TRAF5: variants seen among roughly 807,000 people sequenced by gnomAD.
TRAF5 encodes TNF receptor associated factor 5.
A neutral mutation model predicts 64.5 loss-of-function variants in TRAF5; 48 were observed. The observed-to-expected ratio is 0.74, with a 90% CI of 0.59 to 0.95. The LOEUF is 0.95. Among genes scored for constraint, TRAF5 ranks in the 40% least tolerant of loss-of-function variants. The pLI is 0.00. For synonymous variants in TRAF5, 206 were observed against 240.5 expected (o/e 0.86, Z 1.33); for missense variants, 545 against 662.8 (o/e 0.82, Z 1.95).
intron 1 of TRAF5, among the ~76,000 whole-genome samples, chr1:211,337,023 C>T (rs1466769294): frequency 6.6e-6 from 1 of 152,240 alleles, no homozygotes; most frequent in Non-Finnish European, 1.5e-5. Context: ...TGAGCCGCTG[C>T]ACCTGGCCAC....
chr1:211,356,446 A>G lies in TRAF5; in HGVS notation c.356A>G (p.Lys119Arg). The G allele has an allele frequency of 6.2e-7, 1 of 1,614,174 alleles. No homozygotes were observed. The part of the protein sequence containing the change: ...YCSNAPGCNA[K>R]VILGRYQDHL... ...AGCAATGCTCCTGGATGTAATGCCA[A>G]GGTTATTCTGGGCCGGTACCAGGTT... Residue 119 changes from lysine (K) to arginine (R), a missense_variant, in exon 4 of 11, where the codon AAG becomes AGG. Lys to Arg is a conservative substitution (Grantham distance 26, BLOSUM62 2). Coordinates refer to ENST00000261464, the MANE Select transcript of TRAF5 (RefSeq NM_001033910.3).
intron 8 of TRAF5, among the ~76,000 whole-genome samples, chr1:211,368,356 G>A (rs1316419021): frequency 5.3e-5 from 8 of 152,204 alleles, no homozygotes; most frequent in Non-Finnish European, 8.8e-5. Flanking sequence ...CAAGACTAAA[G>A]CCAGGGAGAG....
At chr1:211,360,489 T>C (rs1337114673) in intron 5 of TRAF5, 40 of 537,340 alleles carry the variant, frequency 7.4e-5, no homozygotes, top group Non-Finnish European at 1.2e-4. Flanking sequence ...CTGTGTTCTA[T>C]GACTTTCTTT....
At chr1:211,346,881 A>G (rs1347461008) in intron 1 of TRAF5, among the ~76,000 whole-genome samples, 1 of 152,200 alleles carries the variant, frequency 6.6e-6, no homozygotes, top group Non-Finnish European at 1.5e-5. Flanking sequence ...AGATGCATCA[A>G]TTTATGAAAC....
intron 1 of TRAF5, among the ~76,000 whole-genome samples, chr1:211,335,864 C>G (rs1307672033): frequency 1.3e-5 from 2 of 152,130 alleles, no homozygotes; most frequent in African/African-American, 4.8e-5. Context: ...TGGCCTAATT[C>G]AGAGGTCACC....
At chr1:211,365,604 C>A in intron 8 of TRAF5, 136 bp downstream of exon 8, 1 of 654,434 alleles carries the variant, frequency 1.5e-6, no homozygotes, top group Non-Finnish European at 2.5e-6. Flanking sequence ...ATTAAGTGGC[C>A]AAACAGGCTC....
At chr1:211,333,700 G>A (rs148398022) in intron 1 of TRAF5, among the ~76,000 whole-genome samples, 4,314 of 152,002 alleles carry the variant, frequency 0.028, 83 homozygotes, top group South Asian at 0.075. Context: ...GTTTCACCAC[G>A]TTAGCCAGGC....
At chr1:211,345,865 C>T (rs1702591282) in intron 1 of TRAF5, among the ~76,000 whole-genome samples, 1 of 152,228 alleles carries the variant, frequency 6.6e-6, no homozygotes, top group East Asian at 1.9e-4. Flanking sequence ...TCTTCCCACT[C>T]TTCCCATCCC....
At chr1:211,328,574 G>A (rs1702078955) in intron 1 of TRAF5, among the ~76,000 whole-genome samples, 2 of 151,772 alleles carry the variant, frequency 1.3e-5, no homozygotes, top group South Asian at 2.1e-4. Context: ...GAAAAGAGCT[G>A]CCGTCCACTG....
intron 1 of TRAF5, among the ~76,000 whole-genome samples, chr1:211,329,018 A>G (rs1702092501): frequency 1.3e-5 from 2 of 151,744 alleles, no homozygotes; most frequent in African/African-American, 2.4e-5. Flanking sequence ...ATATCTGCCC[A>G]CCTCTTCCTC....
intron 7 of TRAF5, 34 bp downstream of exon 7, chr1:211,361,196 T>G: frequency 1.9e-6 from 3 of 1,587,816 alleles, no homozygotes; most frequent in Non-Finnish European, 2.6e-6. Context: ...GCCTATACAT[T>G]CTACTGTATA....
rs1322167835 is a variant in TRAF5 at position 211,353,445 on chromosome 1, T to G, written c.206T>G (p.Ile69Ser). The G allele has an allele frequency of 1.2e-6, 2 of 1,612,976 alleles. No individual in the cohort carries two copies. Among genetic ancestry groups the G allele is most frequent in the Non-Finnish European group, 1.7e-6 (2 of 1,179,926 alleles). ...GCGHRFCQHC[I>S]LSLRELNTVP... Reference sequence around the variant, plus strand: ...GGGCACCGCTTCTGCCAGCACTGCATCCTGTCCCTGAGGTGAGTGGGCAGG... The same window carrying G: ...GGGCACCGCTTCTGCCAGCACTGCAGCCTGTCCCTGAGGTGAGTGGGCAGG... The change falls in exon 2 of 11, where the codon ATC (isoleucine) becomes AGC (serine). Residue 69 changes from isoleucine (I) to serine (S), a missense_variant. Coordinates refer to ENST00000261464, the MANE Select transcript of TRAF5 (RefSeq NM_001033910.3).
At chr1:211,331,656 C>T (rs1299902002) in intron 1 of TRAF5, among the ~76,000 whole-genome samples, 1 of 151,528 alleles carries the variant, frequency 6.6e-6, no homozygotes, top group African/African-American at 2.4e-5. Flanking sequence ...TGCTGTGTGT[C>T]AGAGCAGGCC....
At chr1:211,365,617 AG>A (rs1703327988) in intron 8 of TRAF5, 149 bp downstream of exon 8, 1 of 589,404 alleles carries the variant, frequency 1.7e-6, no homozygotes, top group East Asian at 3.0e-5. Context: ...ACAGGCTCAT[AG>A]GATTATAGAA....
intron 1 of TRAF5, among the ~76,000 whole-genome samples, chr1:211,350,817 C>T (rs1256545465): frequency 6.6e-6 from 1 of 152,100 alleles, no homozygotes; most frequent in African/African-American, 2.4e-5. Context: ...CTGATGAGGT[C>T]CCTCTTCCGG....
At chr1:211,340,986 C>T (rs61848975) in intron 1 of TRAF5, among the ~76,000 whole-genome samples, 2 of 152,174 alleles carry the variant, frequency 1.3e-5, no homozygotes, top group African/African-American at 2.4e-5. Flanking sequence ...AGTGAGCCAC[C>T]GCGCCTGGCC....
intron 1 of TRAF5, among the ~76,000 whole-genome samples, chr1:211,343,715 CT>C (rs1277908093): frequency 2.6e-5 from 4 of 152,230 alleles, no homozygotes; most frequent in Non-Finnish European, 5.9e-5. Flanking sequence ...ATACCCTTCT[CT>C]TGCCCTCTGC....
chr1:211,330,146 C>T (rs1702119673), intron 1 of TRAF5, among the ~76,000 whole-genome samples: 1 of 152,146 alleles, frequency 6.6e-6, no homozygotes, highest in Admixed American at 6.5e-5. Context: ...TTGGATCGTG[C>T]TGTAGCAAAA....
At chr1:211,368,932 G>A (rs1412536979) in intron 8 of TRAF5, 1 of 152,202 alleles carries the variant, frequency 6.6e-6, no homozygotes, top group Non-Finnish European at 1.5e-5. Flanking sequence ...GCAAGTTTTT[G>A]TCATTATTAC....
Sources: gnomAD v4.1 joint callset for allele counts (sites outside exome capture counted in the v4.1 genomes callset) on GRCh38, gnomAD v4.1.1 for gene constraint, MANE v1.5 for transcripts, NCBI Gene and HGNC (gene_info 2026-07-23, HGNC 2026-07-21) for gene names.